Variants in FLRT1 observed in about 807,000 individuals in gnomAD.
FLRT1 encodes the protein leucine-rich repeat transmembrane protein FLRT1.
In FLRT1, 14 loss-of-function variants were observed where a neutral mutation model predicts 30.9. That is an observed-to-expected ratio of 0.45 (90% CI 0.30 to 0.71). FLRT1 has a LOEUF of 0.71. Ranked by LOEUF, FLRT1 falls within the 30% of genes least tolerant of loss-of-function variation. The pLI, the probability that FLRT1 is intolerant of heterozygous loss-of-function variation, is 0.08. For missense variants in FLRT1, 737 were observed against 949.2 expected, an observed-to-expected ratio of 0.78 and a Z score of 2.94; for synonymous variants, 368 against 430.4, an observed-to-expected ratio of 0.85 and a Z score of 1.80.
intron 1 of FLRT1, among the ~76,000 whole-genome samples, chr11:64,055,149 C>T (rs377425287): frequency 6.6e-6 from 1 of 152,226 alleles, no homozygotes; most frequent in East Asian, 1.9e-4. Context: ...TTAGTTGTCC[C>T]CAGATCCACC....
At position 64,036,622 on chromosome 11, in the gene FLRT1, C is replaced by A. The variant is rs1565203586; in HGVS notation, c.-1038+463C>A. Reference sequence around the variant, plus strand: ...CCTGGGCGCCGCGCTCCCGTCCCCACCAGCCGCGTGAGTCACGGTTGGAGC... The same window carrying A: ...CCTGGGCGCCGCGCTCCCGTCCCCAACAGCCGCGTGAGTCACGGTTGGAGC... On this transcript the variant is annotated intron_variant, in intron 1 of 2. Transcript: ENST00000682287. The surrounding 1 kb of genome is among the most constrained non-coding windows in gnomAD (Gnocchi z 5.6). 6.6e-6 allele frequency among the ~76,000 whole-genome samples: 1 copy of A among 152,220 alleles called. No homozygotes were observed. The highest frequency in any genetic ancestry group is 1.5e-5 in the Non-Finnish European group (1 of 68,036).
intron 1 of FLRT1, among the ~76,000 whole-genome samples, chr11:64,044,248 C>T: frequency 6.6e-6 from 1 of 150,664 alleles, no homozygotes; most frequent in East Asian, 2.0e-4. Flanking sequence ...GTTCCCCCAA[C>T]AACTTTTTTT....
intron 1 of FLRT1, among the ~76,000 whole-genome samples, chr11:64,084,884 T>A (rs1008297140): frequency 5.3e-5 from 8 of 152,134 alleles, no homozygotes; most frequent in African/African-American, 1.9e-4. Flanking sequence ...GAGAGCTGCG[T>A]GTGTGGGGGC....
In FLRT1 at chr11:64,067,187, G is replaced by T. The variant is rs1274069219; in HGVS notation, c.-1038+31028G>T. ...CGGCCATACCCACCTGTAGGCACAT[G>T]CGGCTCCAAGGAGATGGCAGATGGG... is the stretch of plus-strand genomic sequence containing the variant. On this transcript the variant is annotated intron_variant, in intron 1 of 2. Transcript: ENST00000682287. This position sits in a 1 kb window ranked among gnomAD's most constrained non-coding sequence, Gnocchi z 4.6. Among the ~76,000 whole-genome samples, 4 of 152,168 alleles carry T rather than the reference G, an allele frequency of 2.6e-5. No individual in the cohort carries two copies. Among genetic ancestry groups the T allele is most frequent in the Non-Finnish European group, 5.9e-5 (4 of 68,014 alleles).
chr11:64,104,904 G>A (rs746600245), intron 2 of FLRT1, among the ~76,000 whole-genome samples: 8 of 152,296 alleles, frequency 5.3e-5, no homozygotes, highest in East Asian at 1.9e-4. Flanking sequence ...AGGCTGCACC[G>A]CCAAAAACAC....
intron 1 of FLRT1, among the ~76,000 whole-genome samples, chr11:64,062,450 T>C (rs1051482965): frequency 1.3e-5 from 2 of 152,080 alleles, no homozygotes; most frequent in African/African-American, 4.8e-5. Context: ...GGCGGAAGGC[T>C]CGCCTCACAC....
intron 1 of FLRT1, among the ~76,000 whole-genome samples, chr11:64,091,241 C>T (rs561478555): frequency 3.3e-5 from 5 of 152,120 alleles, no homozygotes; most frequent in Admixed American, 2.6e-4. Flanking sequence ...CTGCAGCCCA[C>T]GGAGTGTGGG....
At chr11:64,115,510 A>G (rs975663970) in intron 2 of FLRT1, among the ~76,000 whole-genome samples, 22 of 152,178 alleles carry the variant, frequency 1.4e-4, no homozygotes, top group Non-Finnish European at 2.9e-5. Context: ...CTGTAAATAC[A>G]TGAGAAAGTG....
chr11:64,051,362 T>C (rs1224316490), intron 1 of FLRT1, among the ~76,000 whole-genome samples: 1 of 152,086 alleles, frequency 6.6e-6, no homozygotes, highest in Non-Finnish European at 1.5e-5. Flanking sequence ...GTGCGTGTGG[T>C]CACGAGCTAG....
intron 1 of FLRT1, among the ~76,000 whole-genome samples, chr11:64,042,231 CCCTGAGCCAG>C (rs1943501673): frequency 6.6e-6 from 1 of 152,216 alleles, no homozygotes; most frequent in East Asian, 1.9e-4. Flanking sequence ...CTCCTGTCTT[CCCTGAGCCAG>C]CCTGAGCCAG....
chr11:64,102,143 T>A (rs1944681325), intron 1 of FLRT1, among the ~76,000 whole-genome samples: 1 of 152,226 alleles, frequency 6.6e-6, no homozygotes, highest in Admixed American at 6.5e-5. Flanking sequence ...TGGATCTGAT[T>A]TCAAACCAGA....
intron 2 of FLRT1, among the ~76,000 whole-genome samples, chr11:64,115,094 G>A (rs1289010464): frequency 2.0e-5 from 3 of 152,190 alleles, no homozygotes; most frequent in Admixed American, 6.5e-5. Context: ...CAGGTTCCGA[G>A]AGGCCATCAT....
intron 1 of FLRT1, among the ~76,000 whole-genome samples, chr11:64,053,962 G>C (rs1404788237): frequency 1.3e-5 from 2 of 151,976 alleles, no homozygotes; most frequent in African/African-American, 4.8e-5. Flanking sequence ...AGCTGTTCCT[G>C]CGTTCCAGCA....
At chr11:64,094,845 A>G (rs1944549612) in intron 1 of FLRT1, among the ~76,000 whole-genome samples, 1 of 152,214 alleles carries the variant, frequency 6.6e-6, no homozygotes, top group South Asian at 2.1e-4. Flanking sequence ...CACTTCCCAG[A>G]GGTCACATCC....
chr11:64,037,588 G>C (rs180995740), intron 1 of FLRT1, among the ~76,000 whole-genome samples: 13 of 152,260 alleles, frequency 8.5e-5, no homozygotes, highest in African/African-American at 2.4e-4. Context: ...TAGGTGTGAG[G>C]GGCAGGAAGA....
At chr11:64,043,146 G>C (rs566037041) in intron 1 of FLRT1, among the ~76,000 whole-genome samples, 1 of 152,150 alleles carries the variant, frequency 6.6e-6, no homozygotes, top group Non-Finnish European at 1.5e-5. Flanking sequence ...GATGGCATAC[G>C]TGCTGACATC....
chr11:64,078,521 G>A (rs1041893274), intron 1 of FLRT1, among the ~76,000 whole-genome samples: 2 of 152,228 alleles, frequency 1.3e-5, no homozygotes, highest in African/African-American at 2.4e-5. Flanking sequence ...GCATCGGAGG[G>A]ATACCCGGGA....
chr11:64,081,532 C>T (rs116707890), intron 1 of FLRT1, among the ~76,000 whole-genome samples: 2 of 152,136 alleles, frequency 1.3e-5, no homozygotes, highest in African/African-American at 4.8e-5. Flanking sequence ...TGTAACACCC[C>T]CCCGACCCCA....
At chr11:64,083,791 C>T (rs1590883808) in intron 1 of FLRT1, among the ~76,000 whole-genome samples, 1 of 152,144 alleles carries the variant, frequency 6.6e-6, no homozygotes, top group South Asian at 2.1e-4. Context: ...TTCCCAAGGT[C>T]AAGGGGTGAG....
Sources: gnomAD v4.1 joint callset for allele counts (sites outside exome capture counted in the v4.1 genomes callset) on GRCh38, gnomAD v4.1.1 for gene constraint, Gnocchi (gnomAD v3.1) non-coding constraint, MANE v1.5 for transcripts, NCBI Gene and HGNC (gene_info 2026-07-23, HGNC 2026-07-21) for gene names.